PCNT: variants seen among roughly 807,000 people sequenced by gnomAD.
The protein encoded by PCNT is kendrin.
PCNT carries 319 observed loss-of-function variants against 380.4 expected under a neutral mutation model. The observed-to-expected ratio is 0.84, with a 90% CI of 0.77 to 0.92. The LOEUF is 0.92. Ranked by LOEUF, PCNT falls within the 40% of genes least tolerant of loss-of-function variation. The probability of loss-of-function intolerance (pLI) is 0.00; values close to 1 mark genes in which losing one functional copy is unlikely to be tolerated. For missense variants in PCNT, 4,400 were observed against 4,255.3 expected, an observed-to-expected ratio of 1.03 and a Z score of -0.95; for synonymous variants, 1,845 against 1,735.2, an observed-to-expected ratio of 1.06 and a Z score of -1.57.
rs1013242222 is a variant in PCNT at position 46,425,427 on chromosome 21, G to A, written c.7180-404G>A. ...GGCCATCGTGTGGCCTTCTCGTAGC[G>A]TCCCAGGTGGGCAGGGAGTGTGTGA... On this transcript the variant is annotated intron_variant, in intron 32 of 46. Coordinates refer to ENST00000359568, the MANE Select transcript of PCNT (RefSeq NM_006031.6). This position sits in a 1 kb window ranked among gnomAD's most constrained non-coding sequence, Gnocchi z 4.2. 2.0e-5 allele frequency among the ~76,000 whole-genome samples: 3 copies of A among 152,334 alleles called. No homozygotes were observed. Among genetic ancestry groups the A allele is most frequent in the South Asian group, 2.1e-4 (1 of 4,830 alleles).
At chr21:46,374,927 A>G (rs1196807865) in intron 15 of PCNT, among the ~76,000 whole-genome samples, 2 of 151,896 alleles carry the variant, frequency 1.3e-5, no homozygotes, top group African/African-American at 2.4e-5. Context: ...TTGTCCCAGA[A>G]TAGCTGGGAT....
In PCNT at chr21:46,376,288, T is replaced by G. The variant is rs375030540; in HGVS notation, c.3166-5406T>G. On this transcript the variant is annotated intron_variant, in intron 15 of 46. Coordinates refer to ENST00000359568, the MANE Select transcript of PCNT (RefSeq NM_006031.6). ...GTTTGATTTTCTCATTGTTACACGGTAGGCCTCTATGAGAGATTTTTGTCC... is the reference window on the plus strand; with the variant it reads ...GTTTGATTTTCTCATTGTTACACGGGAGGCCTCTATGAGAGATTTTTGTCC... 5.3e-5 allele frequency among the ~76,000 whole-genome samples: 8 copies of G among 152,332 alleles called. No individual in the cohort carries two copies. In the East Asian group the frequency reaches 1.2e-3, roughly 22 times the overall value.
chr21:46,437,640 G>A (rs946866904), intron 40 of PCNT, among the ~76,000 whole-genome samples: 2 of 152,248 alleles, frequency 1.3e-5, no homozygotes, highest in Non-Finnish European at 2.9e-5. Flanking sequence ...AATTCTTGAT[G>A]TGTGTTCTGT....
Position 46,442,711 on chromosome 21 carries a change from A to G in PCNT, c.9700+138A>G, listed in dbSNP as rs2839262. ...TAAGAAAATCCGTGAATTCCGTCAG[A>G]GCAGTCGTCCAGAGGGAAGGCGCGC... On this transcript the variant is annotated intron_variant, in intron 44 of 46. Transcript: ENST00000359568. 0.8 allele frequency: 567,248 copies of G among 710,350 alleles called. 227,701 individuals carry two copies. Among genetic ancestry groups the G allele is most frequent in the African/African-American group, 0.92 (52,607 of 57,260 alleles). 44.0% of individuals were successfully genotyped at this position (710,350 alleles called of 1,614,324 possible).
intron 24 of PCNT, among the ~76,000 whole-genome samples, chr21:46,399,155 T>G (rs2086313645): frequency 6.6e-6 from 1 of 152,056 alleles, no homozygotes; most frequent in Non-Finnish European, 1.5e-5. Flanking sequence ...TAGATTTCAT[T>G]TTCCTAACAA....
chr21:46,380,581 C>G lies in PCNT; in HGVS notation c.3166-1113C>G, dbSNP rs556356598. Among the ~76,000 whole-genome samples the G allele has an allele frequency of 2.0e-5, 3 of 151,918 alleles. No homozygotes were observed. In the South Asian group the frequency reaches 6.2e-4, roughly 32 times the overall value. On this transcript the variant is annotated intron_variant, in intron 15 of 46. Coordinates refer to ENST00000359568, the MANE Select transcript of PCNT (RefSeq NM_006031.6). ...GGGGTGCTCCAAATCCATTCTGTCC[C>G]CCACCCCACCCCAGCAGCTACTGGT...
intron 29 of PCNT, among the ~76,000 whole-genome samples, chr21:46,415,773 C>G (rs2087003043): frequency 6.6e-6 from 1 of 152,188 alleles, no homozygotes; most frequent in African/African-American, 2.4e-5. Flanking sequence ...ATCACATAAA[C>G]CACAATTTTG....
In PCNT at chr21:46,353,207, G is replaced by A. The variant is rs777587504; in HGVS notation, c.1560G>A (p.Arg520=). ...ATGAGTCCGAACTGGAGCAACTGAG[G>A]ATTTATTTTGAAAAGAAGTTAAGGG... ...TQHESELEQL[R]IYFEKKLRDA... is the part of the protein sequence containing the mutation. The change falls in exon 10 of 47, where the codon AGG becomes AGA. Residue 520 remains arginine, a synonymous_variant. Transcript: ENST00000359568. 6.8e-6 allele frequency: 11 copies of A among 1,614,108 alleles called. No homozygotes were observed. Among genetic ancestry groups the A allele is most frequent in the Non-Finnish European group, 9.3e-6 (11 of 1,180,006 alleles).
rs1201263577 is a variant in PCNT, at chr21:46,363,738, G to A, written c.2413G>A (p.Ala805Thr). The A allele has an allele frequency of 6.2e-7, 1 of 1,614,206 alleles. No homozygotes were observed. The highest frequency in any genetic ancestry group is 8.5e-7 in the Non-Finnish European group (1 of 1,180,026). Reference sequence around the variant, plus strand: ...GAGGCAGCTTCAGGACCAACAGGCAGCCCAGATCCTGGATCTGGAGAGGTC... The same window carrying A: ...GAGGCAGCTTCAGGACCAACAGGCAACCCAGATCCTGGATCTGGAGAGGTC... The part of the protein sequence containing the change: ...EMRQLQDQQA[A>T]QILDLERSLT... The change falls in exon 14 of 47, where the codon GCC becomes ACC. Residue 805 changes from alanine to threonine, a missense_variant. Coordinates refer to ENST00000359568, the MANE Select transcript of PCNT (RefSeq NM_006031.6).
At chr21:46,364,210 G>A (rs1013929575) in intron 14 of PCNT, among the ~76,000 whole-genome samples, 2 of 149,246 alleles carry the variant, frequency 1.3e-5, no homozygotes, top group African/African-American at 5.0e-5. Flanking sequence ...TCGCCGTCCC[G>A]GAGCCCCCTG....
Position 46,432,157 on chromosome 21 carries a change from G to GT in PCNT, c.8693_8694insT (p.Arg2898SerfsTer30), listed in dbSNP as rs2087793909. 6.2e-7 allele frequency: 1 copy of GT among 1,613,700 alleles called. No individual in the cohort carries two copies. Among genetic ancestry groups the GT allele is most frequent in the Middle Eastern group, 1.7e-4 (1 of 5,906 alleles). On this transcript the variant is annotated frameshift_variant, in exon 38 of 47. Coordinates refer to ENST00000359568, the MANE Select transcript of PCNT (RefSeq NM_006031.6). LOFTEE classifies it high-confidence loss of function. ...GCTGCGAGGAGGAGCGCGGAGGCCA[G>GT]GCAGAGCCCAGCGGCTGCGGAGCAG...
At chr21:46,397,588 A>G in intron 22 of PCNT, 94 bp downstream of exon 22, 1 of 1,070,240 alleles carries the variant, frequency 9.3e-7, no homozygotes, top group Non-Finnish European at 1.4e-6. Flanking sequence ...CTTCTGCAGT[A>G]GGATGTTGAA....
intron 29 of PCNT, among the ~76,000 whole-genome samples, chr21:46,413,417 G>C (rs941226185): frequency 1.3e-5 from 2 of 152,232 alleles, no homozygotes; most frequent in African/African-American, 4.8e-5. Flanking sequence ...TGTGGGTCTT[G>C]CCCTGGGCAG....
intron 13 of PCNT, among the ~76,000 whole-genome samples, chr21:46,358,033 A>C (rs915442809): frequency 6.6e-6 from 1 of 152,114 alleles, no homozygotes; most frequent in Non-Finnish European, 1.5e-5. Context: ...CTCAGGGTCC[A>C]TCCCATGCTG....
In PCNT at chr21:46,440,987, C is replaced by G; in HGVS notation, c.9526C>G (p.His3176Asp). The change falls in exon 43 of 47, where the codon CAT (histidine) becomes GAT (aspartate). Residue 3176 changes from histidine to aspartate, a missense_variant. Physicochemically the swap from His to Asp is moderately conservative, Grantham distance 81 (BLOSUM62 -1). Coordinates refer to ENST00000359568, the MANE Select transcript of PCNT (RefSeq NM_006031.6). ...ACAAGAAACACTCTCCATGATTGCC[C>G]ATTTGGGGGTATTTCCTTCCAAAGC... is the stretch of plus-strand genomic sequence containing the variant. The part of the protein sequence containing the change: ...SEQETLSMIA[H>D]LGVFPSKAER... 1 of 1,613,718 alleles carries G rather than the reference C, an allele frequency of 6.2e-7. No individual in the cohort carries two copies. Among genetic ancestry groups the G allele is most frequent in the Non-Finnish European group, 8.5e-7 (1 of 1,179,638 alleles).
intron 14 of PCNT, among the ~76,000 whole-genome samples, chr21:46,365,617 G>T (rs558389711): frequency 6.2e-5 from 8 of 128,268 alleles, no homozygotes; most frequent in Non-Finnish European, 1.3e-4. Flanking sequence ...ATTCACTGCC[G>T]TGGGGTTCTG....
rs777716785 is a variant in PCNT at position 46,346,791 on chromosome 21, A to T, written c.769A>T (p.Met257Leu). 1 of 1,600,826 alleles carries T rather than the reference A, an allele frequency of 6.2e-7. No individual in the cohort carries two copies. The highest frequency in any genetic ancestry group is 8.5e-7 in the Non-Finnish European group (1 of 1,174,768). The change falls in exon 5 of 47, where the codon ATG (methionine) becomes TTG (leucine). Residue 257 changes from methionine to leucine, a missense_variant. Transcript: ENST00000359568. ...GGCGCTGCGCCTGAGTCTGAGCAAC[A>T]TGCACACGGCGCAGCTGGAGCTGAC... ...LEALRLSLSNMHTAQLELTQA... is the reference protein window; with the variant it reads ...LEALRLSLSNLHTAQLELTQA...
chr21:46,365,701 T>C (rs35370178), intron 14 of PCNT, among the ~76,000 whole-genome samples: 127,266 of 144,882 alleles, frequency 0.88, 55,907 homozygotes, highest in African/African-American at 0.93. Context: ...TCCTCACTGC[T>C]GTGGGGTTCT....
intron 3 of PCNT, among the ~76,000 whole-genome samples, chr21:46,345,553 C>T (rs1391744114): frequency 6.6e-6 from 1 of 152,090 alleles, no homozygotes; most frequent in Non-Finnish European, 1.5e-5. Context: ...GTGATTTAAG[C>T]GAGTTTAATA....
Sources: gnomAD v4.1 joint callset for allele counts (sites outside exome capture counted in the v4.1 genomes callset) on GRCh38, gnomAD v4.1.1 for gene constraint, Gnocchi (gnomAD v3.1) non-coding constraint, MANE v1.5 for transcripts, NCBI Gene and HGNC (gene_info 2026-07-23, HGNC 2026-07-21) for gene names.